Variants in DCHS2 observed in about 807,000 individuals in gnomAD.
DCHS2 encodes protocadherin-23.
In DCHS2, 142 loss-of-function variants were observed where a neutral mutation model predicts 182.4. The observed-to-expected ratio is 0.78, with a 90% CI of 0.68 to 0.89. The LOEUF (loss-of-function observed/expected upper bound fraction) is 0.89, where lower values mean the gene tolerates loss of function less well. Ranked by LOEUF, DCHS2 falls within the 40% of genes least tolerant of loss-of-function variation. The pLI is 0.00. For synonymous variants in DCHS2, 1,740 were observed against 1,663.3 expected (o/e 1.05, Z -1.12); for missense variants, 4,319 against 4,198.6 (o/e 1.03, Z -0.79).
At chr4:154,461,158 T>C (rs1436963663) in intron 1 of DCHS2, among the ~76,000 whole-genome samples, 4 of 152,186 alleles carry the variant, frequency 2.6e-5, no homozygotes, top group Non-Finnish European at 1.5e-5. Context: ...CCCTGACCCA[T>C]ACTAAGCAAT....
intron 13 of DCHS2, among the ~76,000 whole-genome samples, chr4:154,279,261 A>G (rs1303324057): frequency 6.6e-6 from 1 of 152,060 alleles, no homozygotes; most frequent in Non-Finnish European, 1.5e-5. Flanking sequence ...AAAAAAATCA[A>G]GGTATGTTGC....
intron 2 of DCHS2, among the ~76,000 whole-genome samples, chr4:154,371,429 CA>C (rs1730642217): frequency 6.6e-6 from 1 of 151,906 alleles, no homozygotes; most frequent in Non-Finnish European, 1.5e-5. Flanking sequence ...TTGTTTTAAT[CA>C]GGGCCGAAAG....
chr4:154,485,113 T>TAAA (rs35034088), intron 1 of DCHS2, among the ~76,000 whole-genome samples: 109 of 151,636 alleles, frequency 7.2e-4, no homozygotes, highest in Middle Eastern at 3.4e-3. Flanking sequence ...CTTTTTTTTT[T>TAAA]AAATGAACTT....
chr4:154,491,446 C>T lies in DCHS2; in HGVS notation c.-91G>A. 7.0e-7 allele frequency: 1 copy of T among 1,424,560 alleles called. No individual in the cohort carries two copies. The allele number at this position is 1,424,560 out of a possible 1,614,324, so 88.2% of individuals were successfully genotyped here. On this transcript the variant is annotated 5_prime_UTR_variant, in exon 1 of 20. Coordinates refer to ENST00000357232, the MANE Select transcript of DCHS2 (RefSeq NM_001358235.2). ...TCCAGGAGCCTCTTCAGTGTCTGAG[C>T]CAGAGAAGAAAAGACTTTGTTTGGC... is the stretch of plus-strand genomic sequence containing the variant.
chr4:154,287,896 G>A (rs573215304), intron 13 of DCHS2, among the ~76,000 whole-genome samples: 15 of 152,130 alleles, frequency 9.9e-5, no homozygotes, highest in East Asian at 3.9e-4. Context: ...TTTGCAAGCC[G>A]CATGGTAACC....
chr4:154,328,632 G>A (rs1389094687), intron 6 of DCHS2, among the ~76,000 whole-genome samples: 4 of 152,146 alleles, frequency 2.6e-5, no homozygotes, highest in Non-Finnish European at 4.4e-5. Flanking sequence ...ATTATCAGGA[G>A]CTGTCCTGCA....
intron 6 of DCHS2, 127 bp downstream of exon 6, chr4:154,329,396 C>G (rs2111354369): frequency 1.0e-6 from 1 of 954,738 alleles, no homozygotes; most frequent in Middle Eastern, 3.4e-4. Context: ...GTATCTAGGT[C>G]TTCTAGAAAA....
At chr4:154,467,196 G>A (rs1735274983) in intron 1 of DCHS2, among the ~76,000 whole-genome samples, 1 of 152,132 alleles carries the variant, frequency 6.6e-6, no homozygotes, top group African/African-American at 2.4e-5. Flanking sequence ...ATATGTTTAT[G>A]GAGTATATTG....
At chr4:154,252,676 C>CTAAA (rs1732437773) in intron 16 of DCHS2, among the ~76,000 whole-genome samples, 1 of 149,960 alleles carries the variant, frequency 6.7e-6, no homozygotes, top group Non-Finnish European at 1.5e-5. Flanking sequence ...CTTTTAATGG[C>CTAAA]TAAATAATAC....
At chr4:154,422,236 G>A (rs148994818) in intron 1 of DCHS2, among the ~76,000 whole-genome samples, 4 of 152,212 alleles carry the variant, frequency 2.6e-5, no homozygotes, top group African/African-American at 9.6e-5. Flanking sequence ...AAGCCCATAC[G>A]ATGCCAGCTT....
intron 10 of DCHS2, among the ~76,000 whole-genome samples, chr4:154,309,331 A>G (rs1303681078): frequency 6.6e-6 from 1 of 152,194 alleles, no homozygotes; most frequent in Non-Finnish European, 1.5e-5. Context: ...AAAGGACACT[A>G]GAAGGAGACC....
Position 154,277,255 on chromosome 4 carries a change from AG to A in DCHS2, c.6464-7243del, listed in dbSNP as rs145563366. On this transcript the variant is annotated intron_variant, in intron 13 of 19. Transcript: ENST00000357232. ...TATACATCCAACTTTATAGCTTTTG[AG>A]GGGGCTACCTGTGGAGATGGTTTCT... Among the ~76,000 whole-genome samples, 624 of 152,282 alleles carry A rather than the reference AG, an allele frequency of 4.1e-3. 20 individuals carry two copies. The East Asian group carries it at 0.093, about 23-fold the overall frequency.
intron 15 of DCHS2, 85 bp from the exon 16 acceptor site, chr4:154,255,755 G>A: frequency 7.0e-7 from 1 of 1,437,172 alleles, no homozygotes; most frequent in Non-Finnish European, 9.2e-7. Flanking sequence ...CATTAAGAAA[G>A]AATCACAGCT....
chr4:154,356,108 C>A (rs921858158), intron 3 of DCHS2, among the ~76,000 whole-genome samples: 19 of 152,040 alleles, frequency 1.2e-4, no homozygotes, highest in Non-Finnish European at 2.5e-4. Flanking sequence ...CTCTGAAGAC[C>A]TTCCAGCGGA....
At chr4:154,358,074 T>C (rs1005363705) in intron 3 of DCHS2, among the ~76,000 whole-genome samples, 1 of 152,196 alleles carries the variant, frequency 6.6e-6, no homozygotes, top group African/African-American at 2.4e-5. Flanking sequence ...CAACATTTTA[T>C]ACCATTGACA....
chr4:154,371,720 G>T (rs113280523), intron 2 of DCHS2, among the ~76,000 whole-genome samples: 10,689 of 152,170 alleles, frequency 0.07, 905 homozygotes, highest in African/African-American at 0.2. Context: ...AGAAGGCAAA[G>T]GGGGAGCAAG....
chr4:154,491,179 G>C lies in DCHS2; in HGVS notation c.177C>G (p.Ala59=). 1 of 1,551,358 alleles carries C rather than the reference G, an allele frequency of 6.4e-7. No homozygotes were observed. Among genetic ancestry groups the C allele is most frequent in the South Asian group, 1.2e-5 (1 of 84,030 alleles). The change falls in exon 1 of 20, where the codon GCC becomes GCG. Residue 59 remains alanine (A), a synonymous_variant. Coordinates refer to ENST00000357232, the MANE Select transcript of DCHS2 (RefSeq NM_001358235.2). ...WLLVHVWLWA[A]SGSSAQLFNL... ...TGAACAACTGGGCAGAGGAGCCCGAGGCCGCCCACAGCCACACGTGCACCA... is the reference window on the plus strand; with the variant it reads ...TGAACAACTGGGCAGAGGAGCCCGACGCCGCCCACAGCCACACGTGCACCA...
At chr4:154,331,466 G>T in intron 5 of DCHS2, 1 of 1,152,876 alleles carries the variant, frequency 8.7e-7, no homozygotes, top group Non-Finnish European at 1.2e-6. Flanking sequence ...TGTATGGTTT[G>T]TGCCCTTGCA....
rs769891708 is a variant in DCHS2 at position 154,240,838 on chromosome 4, A to T, written c.7073-15T>A. 1.2e-6 allele frequency: 2 copies of T among 1,612,018 alleles called. No individual in the cohort carries two copies. The highest frequency in any genetic ancestry group is 2.2e-5 in the South Asian group (2 of 91,004). On this transcript the variant is annotated splice_polypyrimidine_tract_variant and intron_variant, in intron 17 of 19. Coordinates refer to ENST00000357232, the MANE Select transcript of DCHS2 (RefSeq NM_001358235.2). ...AGGCAAAGAATCTGAAATAGTCATG[A>T]CCAGTGTCAGTCTCCATTAAAATTC...
Sources: gnomAD v4.1 joint callset for allele counts (sites outside exome capture counted in the v4.1 genomes callset) on GRCh38, gnomAD v4.1.1 for gene constraint, MANE v1.5 for transcripts, NCBI Gene and HGNC (gene_info 2026-07-23, HGNC 2026-07-21) for gene names.